The following INTS1 variants were observed in gnomAD, a reference collection of about 807,000 sequenced individuals.
INTS1 encodes the protein integrator complex subunit 1.
INTS1 carries 137 observed loss-of-function variants against 241.6 expected under a neutral mutation model. The ratio of observed to expected loss-of-function variants is 0.57; its 90% CI spans 0.49 to 0.65. INTS1 has a LOEUF of 0.65. INTS1 is among the 30% of genes least tolerant of loss of function. INTS1 has a pLI of 0.00. For synonymous variants in INTS1, 1,692 were observed against 1,337.8 expected, an observed-to-expected ratio of 1.26 and a Z score of -5.78; for missense variants, 3,073 against 3,032.2, an observed-to-expected ratio of 1.01 and a Z score of -0.32.
At position 1,485,627 on chromosome 7, in the gene INTS1, T is replaced by C. The variant is rs13438670; in HGVS notation, c.2977-158A>G. On this transcript the variant is annotated intron_variant, in intron 22 of 47. Coordinates refer to ENST00000404767, the MANE Select transcript of INTS1 (RefSeq NM_001080453.3). ...CGCAGGTAAAAGGGAAAAACGAGAC[T>C]GAGCTCTTTCTGTTAAATGCTTCTG... 8.1e-4 allele frequency: 574 copies of C among 709,514 alleles called. 5 individuals carry two copies. In the African/African-American group the frequency reaches 9.0e-3, roughly 11 times the overall value. The allele number at this position is 709,514 out of a possible 1,614,324, so 44.0% of individuals were successfully genotyped here. A position where few individuals can be genotyped will look rare whatever the true frequency, so the allele number is the denominator to read the frequency against.
rs374803757 is a variant in INTS1 at position 1,474,742 on chromosome 7, G to A, written c.5599C>T (p.Arg1867Trp). ...AGCGGGTGCGCCACCGCCAGCTTCC[G>A]GCAGGCCATGCTGGCATCCGCCCCT... ...NRGADASMACRKLAVAHPLLL... is the reference protein window; with the variant it reads ...NRGADASMACWKLAVAHPLLL... The change falls in exon 40 of 48, where the codon CGG becomes TGG. Residue 1867 changes from arginine (R) to tryptophan (W), a missense_variant. By Grantham distance (101) the Arg-to-Trp change is moderately radical. Transcript: ENST00000404767. The A allele has an allele frequency of 4.2e-5, 66 of 1,563,898 alleles. No homozygotes were observed. Among genetic ancestry groups the A allele is most frequent in the African/African-American group, 2.0e-4 (15 of 73,724 alleles).
Position 1,496,200 on chromosome 7 carries a change from TG to T in INTS1, c.1666del (p.Gln556ArgfsTer2). On this transcript the variant is annotated frameshift_variant, in exon 12 of 48. Coordinates refer to ENST00000404767, the MANE Select transcript of INTS1 (RefSeq NM_001080453.3). LOFTEE classifies it high-confidence loss of function. ...AVSMMLGITA[Q>X]VKEAGIAWDK... ...CCAGGCGATGCCGGCCTCCTTCACC[TG>T]CGCTGTGATGCCCAGCATCATGGAC... 6.2e-7 allele frequency: 1 copy of T among 1,613,860 alleles called. No individual in the cohort carries two copies. The highest frequency in any genetic ancestry group is 8.5e-7 in the Non-Finnish European group (1 of 1,179,822).
In INTS1 at chr7:1,496,237, C is replaced by T. The variant is rs746632081; in HGVS notation, c.1630G>A (p.Val544Ile). 35 of 1,613,800 alleles carry T rather than the reference C, an allele frequency of 2.2e-5. No individual in the cohort carries two copies. Among genetic ancestry groups the T allele is most frequent in the Non-Finnish European group, 2.6e-5 (31 of 1,179,812 alleles). ...CCCAGCATCATGGACACGGCCAGGACGTCGGTGATGTGCACCACGAAGCGC... is the reference window on the plus strand; with the variant it reads ...CCCAGCATCATGGACACGGCCAGGATGTCGGTGATGTGCACCACGAAGCGC... ...KERFVVHITD[V>I]LAVSMMLGIT... Residue 544 changes from valine to isoleucine, a missense_variant, in exon 12 of 48, where the codon GTC (valine) becomes ATC (isoleucine). By Grantham distance (29) the Val-to-Ile change is conservative. Coordinates refer to ENST00000404767, the MANE Select transcript of INTS1 (RefSeq NM_001080453.3).
intron 30 of INTS1, among the ~76,000 whole-genome samples, chr7:1,479,946 T>G (rs541306527): frequency 4.6e-5 from 7 of 152,004 alleles, no homozygotes; most frequent in Non-Finnish European, 8.8e-5. Context: ...AGGCTCTCCA[T>G]CAGGAGGTGG....
intron 19 of INTS1, 131 bp downstream of exon 19, chr7:1,487,629 G>T: frequency 7.7e-7 from 1 of 1,296,818 alleles, no homozygotes; most frequent in Non-Finnish European, 1.1e-6. Flanking sequence ...CGGGGACGGG[G>T]CTCCACAGGC....
At chr7:1,480,527 G>C (rs73275934) in intron 29 of INTS1, 86 bp from the exon 30 acceptor site, 1 of 1,439,382 alleles carries the variant, frequency 6.9e-7, no homozygotes. Flanking sequence ...GGCGAGTCCT[G>C]CCCGGGGACT....
chr7:1,479,370 C>A, intron 31 of INTS1, 60 bp downstream of exon 31: 3 of 1,521,622 alleles, frequency 2.0e-6, no homozygotes, highest in Non-Finnish European at 2.7e-6. Flanking sequence ...CCCGGGCCGT[C>A]CTGCGGGAGG....
Position 1,473,202 on chromosome 7 carries a change from T to C in INTS1, c.5958-18A>G. The C allele has an allele frequency of 6.3e-7, 1 of 1,576,048 alleles. No homozygotes were observed. ...ACAGGTCGCTGGGGAGAGAAGATGC[T>C]TTCACCTGGGAGGAAGACGCTGGCA... On this transcript the variant is annotated intron_variant, in intron 42 of 47. Transcript: ENST00000404767.
chr7:1,479,306 CTT>C, intron 31 of INTS1, 122 bp downstream of exon 31: 1 of 1,183,824 alleles, frequency 8.4e-7, no homozygotes, highest in Non-Finnish European at 1.2e-6. Flanking sequence ...GGGCACTGTC[CTT>C]TCTCACTTGG....
intron 30 of INTS1, 35 bp from the exon 31 acceptor site, chr7:1,479,719 G>A: frequency 6.9e-7 from 1 of 1,443,546 alleles, no homozygotes; most frequent in South Asian, 1.5e-5. Flanking sequence ...GGAGGAAGCG[G>A]AGGAGAAGGA....
rs888680629 is a variant in INTS1 at position 1,472,132 on chromosome 7, G to C, written c.6184+141C>G. 9.0e-6 allele frequency: 6 copies of C among 666,628 alleles called. No individual in the cohort carries two copies. The African/African-American group carries it at 1.1e-4, about 12-fold the overall frequency. 41.3% of individuals were successfully genotyped at this position (666,628 alleles called of 1,614,324 possible). ...CCTCTCTGGGGGTGCTCCCCACTGTGAGGAACAGCCCACCCACCCACAGCC... is the reference window on the plus strand; with the variant it reads ...CCTCTCTGGGGGTGCTCCCCACTGTCAGGAACAGCCCACCCACCCACAGCC... On this transcript the variant is annotated intron_variant, in intron 44 of 47. Coordinates refer to ENST00000404767, the MANE Select transcript of INTS1 (RefSeq NM_001080453.3).
chr7:1,501,464 G>T (rs1783178557), intron 3 of INTS1, among the ~76,000 whole-genome samples: 1 of 152,012 alleles, frequency 6.6e-6, no homozygotes, highest in Non-Finnish European at 1.5e-5. Context: ...GACAGCCTGG[G>T]ACATTTACCA....
Position 1,498,749 on chromosome 7 carries a change from A to G in INTS1, c.1241T>C (p.Leu414Pro). 1.3e-6 allele frequency: 2 copies of G among 1,569,664 alleles called. No homozygotes were observed. The highest frequency in any genetic ancestry group is 1.7e-6 in the Non-Finnish European group (2 of 1,157,560). ...DVISHLIKIRLKPKVLLNHFM... is the reference protein window; with the variant it reads ...DVISHLIKIRPKPKVLLNHFM... ...GTGGTTGAGGAGGACCTTGGGCTTG[A>G]GGCGGATCTTGATCAGGTGTGAGAT... Residue 414 changes from leucine to proline, a missense_variant, in exon 9 of 48, where the codon CTC becomes CCC. Physicochemically the swap from Leu to Pro is moderately conservative, Grantham distance 98. Transcript: ENST00000404767.
chr7:1,498,943 G>GGGGGCCCCCCCCCCCCCC, intron 8 of INTS1, 32 bp downstream of exon 8: 1 of 1,070,746 alleles, frequency 9.3e-7, no homozygotes, highest in Non-Finnish European at 1.3e-6. Context: ...CCCACCCCCT[G>GGGGGCCCCCCCCCCCCCC]CCCCGCCCAC....
chr7:1,479,616 C>T lies in INTS1; in HGVS notation c.4143G>A (p.Gln1381=). The change falls in exon 31 of 48, where the codon CAG becomes CAA. Residue 1381 remains glutamine, a synonymous_variant. Transcript: ENST00000404767. The part of the protein sequence containing the change: ...SSPRPVALAL[Q]QALGQELARV... ...GGGCCAGCTCCTGGCCCAGGGCCTG[C>T]TGCAGGGCGAGGGCCACGGGGCGGG... is the stretch of plus-strand genomic sequence containing the variant. 1 of 1,529,304 alleles carries T rather than the reference C, an allele frequency of 6.5e-7. No homozygotes were observed. The highest frequency in any genetic ancestry group is 2.0e-5 in the Admixed American group (1 of 49,804). The allele number at this position is 1,529,304 out of a possible 1,614,324, so 94.7% of individuals were successfully genotyped here. A position where few individuals can be genotyped will look rare whatever the true frequency, so the allele number is the denominator to read the frequency against.
At chr7:1,487,283 G>C (rs751124953) in intron 20 of INTS1, 37 bp downstream of exon 20, 2 of 1,562,198 alleles carry the variant, frequency 1.3e-6, no homozygotes, top group Non-Finnish European at 1.7e-6. Flanking sequence ...GGCCTCCCAA[G>C]ACCACCATCT....
intron 44 of INTS1, 36 bp downstream of exon 44, chr7:1,472,237 G>T: frequency 6.9e-7 from 1 of 1,455,312 alleles, no homozygotes; most frequent in African/African-American, 1.4e-5. Context: ...GACCCAGGGC[G>T]CTGACCTGGC....
intron 18 of INTS1, 97 bp from the exon 19 acceptor site, chr7:1,488,054 C>T: frequency 1.6e-6 from 2 of 1,224,840 alleles, no homozygotes; most frequent in East Asian, 4.7e-5. Flanking sequence ...ACCCCTACGG[C>T]TGCTGCTGCC....
chr7:1,483,673 G>T, intron 26 of INTS1, 69 bp downstream of exon 26: 3 of 1,212,592 alleles, frequency 2.5e-6, no homozygotes, highest in Non-Finnish European at 2.4e-6. Flanking sequence ...TGCGGAAGCC[G>T]CTGGGTGTGG....
Sources: allele counts gnomAD v4.1 joint callset (sites outside exome capture counted in the v4.1 genomes callset), GRCh38; gene constraint gnomAD v4.1.1; transcripts MANE v1.5; gene names NCBI Gene and HGNC (gene_info 2026-07-23, HGNC 2026-07-21).